Variants in NCAM1 observed in about 807,000 individuals in gnomAD.
The protein encoded by NCAM1 is antigen recognized by monoclonal antibody 5.1H11.
A neutral mutation model predicts 109.8 loss-of-function variants in NCAM1; 14 were observed. The observed-to-expected ratio is 0.13, with a 90% CI of 0.08 to 0.20. NCAM1 has a LOEUF of 0.20. Among genes scored for constraint, NCAM1 ranks in the 10% least tolerant of loss-of-function variants. NCAM1 has a pLI of 1.00. For synonymous variants in NCAM1, 418 were observed against 442.9 expected (o/e 0.94, Z 0.70); for missense variants, 774 against 1,109.9 (o/e 0.70, Z 4.30).
At chr11:113,192,286 T>C (rs1442051921) in intron 1 of NCAM1, among the ~76,000 whole-genome samples, 1 of 152,202 alleles carries the variant, frequency 6.6e-6, no homozygotes, top group African/African-American at 2.4e-5. Context: ...ATTGATGGAT[T>C]GTGCTTTGTT....
intron 1 of NCAM1, among the ~76,000 whole-genome samples, chr11:113,040,679 G>C (rs1449874038): frequency 6.6e-6 from 1 of 152,134 alleles, no homozygotes; most frequent in African/African-American, 2.4e-5. Context: ...TGTGTATTTA[G>C]AAACCATCAA....
At chr11:113,238,493 C>A (rs1945238089) in intron 14 of NCAM1, among the ~76,000 whole-genome samples, 2 of 152,146 alleles carry the variant, frequency 1.3e-5, no homozygotes, top group South Asian at 4.1e-4. Flanking sequence ...TGCCCCTAGA[C>A]CCATCCTGAA....
At chr11:113,197,165 C>T in intron 1 of NCAM1, 1 of 233,922 alleles carries the variant, frequency 4.3e-6, no homozygotes, top group Non-Finnish European at 9.5e-6. Flanking sequence ...CCACCAGGTC[C>T]CGTGCTTGAC....
intron 1 of NCAM1, among the ~76,000 whole-genome samples, chr11:113,152,533 C>T (rs1454279386): frequency 6.6e-6 from 1 of 152,230 alleles, no homozygotes; most frequent in East Asian, 1.9e-4. Context: ...GTAAGCACTA[C>T]CTTTACATGC....
At chr11:113,245,649 C>T (rs7130671) in intron 14 of NCAM1, among the ~76,000 whole-genome samples, 51,613 of 151,936 alleles carry the variant, frequency 0.34, 9,088 homozygotes, top group Non-Finnish European at 0.36. Flanking sequence ...TCAGGAATAA[C>T]ATGGGTTTGT....
intron 9 of NCAM1, among the ~76,000 whole-genome samples, chr11:113,227,356 C>A (rs1179416188): frequency 2.6e-4 from 39 of 150,604 alleles, no homozygotes; most frequent in Non-Finnish European, 4.9e-4. Flanking sequence ...TTCCTGGACA[C>A]ATACACCCTC....
chr11:113,029,354 C>A (rs1325791793), intron 1 of NCAM1, among the ~76,000 whole-genome samples: 3 of 152,174 alleles, frequency 2.0e-5, no homozygotes, highest in Non-Finnish European at 2.9e-5. Context: ...AATAGTTTAA[C>A]AGAAGGCTCT....
At chr11:113,099,450 A>G (rs376621413) in intron 1 of NCAM1, among the ~76,000 whole-genome samples, 1 of 152,200 alleles carries the variant, frequency 6.6e-6, no homozygotes, top group South Asian at 2.1e-4. Flanking sequence ...CACATTCGCC[A>G]TATGCTTTCC....
chr11:113,092,494 G>C (rs1241913304), intron 1 of NCAM1, among the ~76,000 whole-genome samples: 1 of 152,060 alleles, frequency 6.6e-6, no homozygotes, highest in African/African-American at 2.4e-5. Flanking sequence ...GTCACAGGGA[G>C]GTTAAATTAT....
At chr11:113,046,583 T>C (rs1953274480) in intron 1 of NCAM1, among the ~76,000 whole-genome samples, 1 of 152,132 alleles carries the variant, frequency 6.6e-6, no homozygotes, top group South Asian at 2.1e-4. Flanking sequence ...CAACCATAAA[T>C]GTTTTGATGT....
intron 1 of NCAM1, among the ~76,000 whole-genome samples, chr11:113,165,601 G>A (rs190848508): frequency 6.6e-6 from 1 of 152,102 alleles, no homozygotes; most frequent in Admixed American, 6.5e-5. Context: ...ACCCCCGATG[G>A]GACCATTATG....
At chr11:113,237,558 C>G (rs1555118495) in intron 14 of NCAM1, among the ~76,000 whole-genome samples, 2 of 152,178 alleles carry the variant, frequency 1.3e-5, no homozygotes. Context: ...TGCAGCTATG[C>G]CCTAAGCAAG....
intron 18 of NCAM1, chr11:113,270,596 T>A (rs1946245439): frequency 3.4e-6 from 2 of 590,238 alleles, no homozygotes; most frequent in Non-Finnish European, 3.0e-6. Flanking sequence ...AAATGTAGAC[T>A]CTTGAGCCCA....
At chr11:113,000,851 C>CACAAAA (rs1555072319) in intron 1 of NCAM1, among the ~76,000 whole-genome samples, 6 of 91,374 alleles carry the variant, frequency 6.6e-5, no homozygotes, top group African/African-American at 2.0e-4. Flanking sequence ...TATATATACA[C>CACAAAA]AAAAAATATA....
chr11:112,974,555 C>T (rs538803055), intron 1 of NCAM1, among the ~76,000 whole-genome samples: 22 of 152,068 alleles, frequency 1.4e-4, no homozygotes, highest in Non-Finnish European at 2.8e-4. Flanking sequence ...GCAGCAGGCA[C>T]GGTATAAGTC....
intron 1 of NCAM1, among the ~76,000 whole-genome samples, chr11:113,113,501 T>TC (rs1940542769): frequency 1.3e-5 from 2 of 152,288 alleles, no homozygotes; most frequent in East Asian, 3.9e-4. Context: ...TGCAGTATTA[T>TC]CCCATTCACT....
chr11:113,138,035 C>A (rs1386208592), intron 1 of NCAM1, among the ~76,000 whole-genome samples: 2 of 152,026 alleles, frequency 1.3e-5, no homozygotes, highest in Non-Finnish European at 2.9e-5. Flanking sequence ...AAAAAAAATT[C>A]TCATCTAAGA....
chr11:113,065,332 T>C (rs1937898513), intron 1 of NCAM1, among the ~76,000 whole-genome samples: 1 of 152,186 alleles, frequency 6.6e-6, no homozygotes, highest in African/African-American at 2.4e-5. Context: ...AAATAAATTA[T>C]GTAGATACTC....
At chr11:113,096,382 G>A (rs1391932957) in intron 1 of NCAM1, among the ~76,000 whole-genome samples, 1 of 152,234 alleles carries the variant, frequency 6.6e-6, no homozygotes, top group Non-Finnish European at 1.5e-5. Flanking sequence ...GAATAAAGGA[G>A]AGAGAATTGT....
Sources: allele counts gnomAD v4.1 joint callset (sites outside exome capture counted in the v4.1 genomes callset), GRCh38; gene constraint gnomAD v4.1.1; transcripts MANE v1.5; gene names NCBI Gene and HGNC (gene_info 2026-07-23, HGNC 2026-07-21).